The following BPNT2 variants were observed in gnomAD, a reference collection of about 807,000 sequenced individuals.
BPNT2 encodes the protein 3'(2'), 5'-bisphosphate nucleotidase 2.
BPNT2 carries 11 observed loss-of-function variants against 29.3 expected under a neutral mutation model. That is an observed-to-expected ratio of 0.38 (90% CI 0.24 to 0.62). The LOEUF (loss-of-function observed/expected upper bound fraction) is 0.62, where lower values mean the gene tolerates loss of function less well. BPNT2 is among the 20% of genes least tolerant of loss of function. The pLI is 0.62. For missense variants in BPNT2, 459 were observed against 473.4 expected (o/e 0.97, Z 0.28); for synonymous variants, 195 against 187.7 (o/e 1.04, Z -0.32).
Position 56,963,646 on chromosome 8 carries a change from G to A in BPNT2, c.*147C>T, listed in dbSNP as rs138038024. 1.5e-3 allele frequency: 1,278 copies of A among 838,342 alleles called. 14 individuals are homozygous for A. The African/African-American group carries it at 0.018, about 12-fold the overall frequency. The allele number at this position is 838,342 out of a possible 1,614,324, so 51.9% of individuals were successfully genotyped here. A position where few individuals can be genotyped will look rare whatever the true frequency, so the allele number is the denominator to read the frequency against. On this transcript the variant is annotated 3_prime_UTR_variant, in exon 5 of 5. Transcript: ENST00000262644. ...CCCTGATTTTGCATTCTATTACAGG[G>A]AAAATAAGTCTCTGATGCTTCATAA... is the stretch of plus-strand genomic sequence containing the variant.
chr8:56,968,139 C>G (rs938725856), intron 3 of BPNT2, among the ~76,000 whole-genome samples: 1 of 151,764 alleles, frequency 6.6e-6, no homozygotes, highest in Non-Finnish European at 1.5e-5. Context: ...TGAATAAATG[C>G]CATGAAACAC....
At position 56,977,652 on chromosome 8, in the gene BPNT2, G is replaced by T. The variant is rs189503724; in HGVS notation, c.646+398C>A. 5.3e-3 allele frequency among the ~76,000 whole-genome samples: 812 copies of T among 152,238 alleles called. 25 individuals carry two copies. Among genetic ancestry groups the T allele is most frequent in the Admixed American group, 0.047 (723 of 15,276 alleles). On this transcript the variant is annotated intron_variant, in intron 3 of 4. Coordinates refer to ENST00000262644, the MANE Select transcript of BPNT2 (RefSeq NM_017813.5). The stretch of plus-strand genomic sequence containing the variant: ...ACTACGTTGAGATGAGGTCACACTA[G>T]AGTAGGGTGGGCGCTGAATCCAATA...
chr8:56,965,384 G>GGTC (rs1385445606), intron 4 of BPNT2, among the ~76,000 whole-genome samples: 59 of 152,306 alleles, frequency 3.9e-4, no homozygotes, highest in Non-Finnish European at 7.4e-4. Context: ...TATGTGTGCT[G>GGTC]AGAAGGTTTT....
chr8:56,969,428 T>C (rs191685638), intron 3 of BPNT2, among the ~76,000 whole-genome samples: 20 of 152,282 alleles, frequency 1.3e-4, no homozygotes, highest in Non-Finnish European at 1.8e-4. Context: ...TCGGTTACCA[T>C]TGAACAAATT....
In BPNT2 at chr8:56,963,793, T is replaced by C. The variant is rs1805887555; in HGVS notation, c.1080A>G (p.Ter360TrpextTer2). Residue 360 changes from the stop codon to tryptophan, a stop_lost, in exon 5 of 5, where the codon TGA (stop) becomes TGG (tryptophan). Transcript: ENST00000262644. Reference sequence around the variant, plus strand: ...AACTGTACCCTGTAATCAGTTATGCTCATTTATGTCCTGTCTTTTCTAGAT... The same window carrying C: ...AACTGTACCCTGTAATCAGTTATGCCCATTTATGTCCTGTCTTTTCTAGAT... ...LPDLEKTGHK[*>W] 6.2e-7 allele frequency: 1 copy of C among 1,614,148 alleles called. No individual in the cohort carries two copies. Among genetic ancestry groups the C allele is most frequent in the East Asian group, 2.2e-5 (1 of 44,872 alleles).
Position 56,993,486 on chromosome 8 carries a change from C to T in BPNT2, c.100G>A (p.Gly34Ser), listed in dbSNP as rs1367501011. Residue 34 changes from glycine to serine, a missense_variant, in exon 1 of 5, where the codon GGC becomes AGC. By Grantham distance (56) the Gly-to-Ser change is moderately conservative. Transcript: ENST00000262644. ...LYHLYSGFLA[G>S]RFSLFGLGGE... ...CCCAGGCCGAAGAGGCTGAAGCGGC[C>T]GGCCAAGAAGCCCGAGTAGAGGTGG... 1.8e-5 allele frequency: 27 copies of T among 1,498,496 alleles called. No homozygotes were observed. Among genetic ancestry groups the T allele is most frequent in the Non-Finnish European group, 2.4e-5 (27 of 1,124,358 alleles). The allele number at this position is 1,498,496 out of a possible 1,614,324, so 92.8% of individuals were successfully genotyped here.
intron 3 of BPNT2, 82 bp downstream of exon 3, chr8:56,977,968 C>T (rs181831846): frequency 3.3e-6 from 3 of 920,748 alleles, no homozygotes; most frequent in East Asian, 4.8e-5. Flanking sequence ...GGAGTGGATA[C>T]AAATTTAGGT....
chr8:56,988,715 T>G (rs1022724152), intron 1 of BPNT2, among the ~76,000 whole-genome samples: 3 of 152,184 alleles, frequency 2.0e-5, no homozygotes, highest in Non-Finnish European at 4.4e-5. Flanking sequence ...CTTCAGACCT[T>G]CAGACTCATA....
In BPNT2 at chr8:56,993,243, G is replaced by T; in HGVS notation, c.343C>A (p.Arg115Ser). 9 of 1,607,638 alleles carry T rather than the reference G, an allele frequency of 5.6e-6. No homozygotes were observed. Among genetic ancestry groups the T allele is most frequent in the Non-Finnish European group, 5.9e-6 (7 of 1,179,818 alleles). Residue 115 changes from arginine to serine, a missense_variant, in exon 1 of 5, where the codon CGC (arginine) becomes AGC (serine). Arg to Ser is a moderately radical substitution (Grantham distance 110, BLOSUM62 -1). Coordinates refer to ENST00000262644, the MANE Select transcript of BPNT2 (RefSeq NM_017813.5). ...KMTSGDVLSN[R>S]KMFYLLKTAF... is the part of the protein sequence containing the mutation. ...GTCTTGAGCAGGTAGAACATCTTGC[G>T]GTTGGACAGCACGTCGCCGCTGGTC... is the stretch of plus-strand genomic sequence containing the variant.
rs1333034658 is a variant in BPNT2, at chr8:56,959,798, A to C, written c.*3995T>G. The C allele has an allele frequency of 6.6e-6, 1 of 152,222 alleles. No homozygotes were observed. The highest frequency in any genetic ancestry group is 1.5e-5 in the Non-Finnish European group (1 of 68,028). 9.4% of individuals were successfully genotyped at this position (152,222 alleles called of 1,614,324 possible). On this transcript the variant is annotated 3_prime_UTR_variant, in exon 5 of 5. Coordinates refer to ENST00000262644, the MANE Select transcript of BPNT2 (RefSeq NM_017813.5). ...TAATTTTAATGAATCTCCCCCAACT[A>C]TAATATTAAAAACATCAAAAGAACT...
In BPNT2 at chr8:56,962,751, C is replaced by T. The variant is rs1456459857; in HGVS notation, c.*1042G>A. On this transcript the variant is annotated 3_prime_UTR_variant, in exon 5 of 5. Transcript: ENST00000262644. The stretch of plus-strand genomic sequence containing the variant: ...TTATTAATAGTAAAAGCAACCATGG[C>T]AAAAGCAACCATACTCATTCTTGAT... 2 of 151,802 alleles carry T rather than the reference C, an allele frequency of 1.3e-5. No individual in the cohort carries two copies. Among genetic ancestry groups the T allele is most frequent in the Admixed American group, 1.3e-4 (2 of 15,232 alleles). The allele number at this position is 151,802 out of a possible 1,614,324, so 9.4% of individuals were successfully genotyped here.
At chr8:56,972,399 A>T (rs553938430) in intron 3 of BPNT2, among the ~76,000 whole-genome samples, 1 of 152,222 alleles carries the variant, frequency 6.6e-6, no homozygotes, top group African/African-American at 2.4e-5. Flanking sequence ...CTGCTATCTC[A>T]AGATAAATGA....
rs1805889471 is a variant in BPNT2 at position 56,963,860 on chromosome 8, C to T, written c.1013G>A (p.Ser338Asn). The change falls in exon 5 of 5, where the codon AGC becomes AAC. Residue 338 changes from serine to asparagine, a missense_variant. By Grantham distance (46) the Ser-to-Asn change is conservative. Coordinates refer to ENST00000262644, the MANE Select transcript of BPNT2 (RefSeq NM_017813.5). ...SDGIEGGLLA[S>N]IRMNHQALVR... ...CAGGGCCTGGTGGTTCATTCTGATG[C>T]TAGCAAGGAGTCCCCCTTCAATGCC... 1.9e-6 allele frequency: 3 copies of T among 1,614,010 alleles called. No homozygotes were observed. Among genetic ancestry groups the T allele is most frequent in the Non-Finnish European group, 2.5e-6 (3 of 1,180,008 alleles).
chr8:56,988,629 A>G (rs749316198), intron 1 of BPNT2, among the ~76,000 whole-genome samples: 5 of 152,150 alleles, frequency 3.3e-5, no homozygotes, highest in Non-Finnish European at 7.4e-5. Context: ...TCCCTAACCA[A>G]TTCTGTCCAC....
At chr8:56,982,264 A>G (rs1443902238) in intron 1 of BPNT2, among the ~76,000 whole-genome samples, 1 of 151,780 alleles carries the variant, frequency 6.6e-6, no homozygotes, top group Non-Finnish European at 1.5e-5. Flanking sequence ...CTGGCACTAC[A>G]GGCACCCACC....
Position 56,993,610 on chromosome 8 carries a change from G to C in BPNT2, c.-25C>G. 2.1e-6 allele frequency: 3 copies of C among 1,395,402 alleles called. No homozygotes were observed. The highest frequency in any genetic ancestry group is 2.8e-6 in the Non-Finnish European group (3 of 1,069,000). 86.4% of individuals were successfully genotyped at this position (1,395,402 alleles called of 1,614,324 possible). A position where few individuals can be genotyped will look rare whatever the true frequency, so the allele number is the denominator to read the frequency against. ...TGGCGTGGGAAGCCGGGCGCTCCGG[G>C]CTGCGGCTCTCACAGGCCTCCAGCG... On this transcript the variant is annotated 5_prime_UTR_variant, in exon 1 of 5. Transcript: ENST00000262644.
chr8:56,972,736 T>C (rs1806059276), intron 3 of BPNT2, among the ~76,000 whole-genome samples: 1 of 151,408 alleles, frequency 6.6e-6, no homozygotes, highest in Non-Finnish European at 1.5e-5. Context: ...ATAACAGGAG[T>C]AGCAGCTTCT....
At chr8:56,977,990 A>G in intron 3 of BPNT2, 60 bp downstream of exon 3, 1 of 1,058,218 alleles carries the variant, frequency 9.4e-7, no homozygotes, top group Non-Finnish European at 1.5e-6. Flanking sequence ...CATGACAGTA[A>G]ATACTATAGA....
chr8:56,982,703 G>A (rs1806264633), intron 1 of BPNT2, among the ~76,000 whole-genome samples: 1 of 152,106 alleles, frequency 6.6e-6, no homozygotes, highest in African/African-American at 2.4e-5. Context: ...TGTTGTTGGA[G>A]AGTAGAGAAA....
Sources: allele counts gnomAD v4.1 joint callset (sites outside exome capture counted in the v4.1 genomes callset), GRCh38; gene constraint gnomAD v4.1.1; transcripts MANE v1.5; gene names NCBI Gene and HGNC (gene_info 2026-07-23, HGNC 2026-07-21).